Variants in ST6GALNAC5 observed in about 807,000 individuals in gnomAD.
The protein encoded by ST6GALNAC5 is alpha-N-acetylgalactosaminide alpha-2,6-sialyltransferase 5.
In ST6GALNAC5, 27 loss-of-function variants were observed where a neutral mutation model predicts 33.6. The observed-to-expected ratio is 0.80, with a 90% CI of 0.59 to 1.11. The LOEUF is 1.11. Ranked by LOEUF, ST6GALNAC5 falls within the 50% of genes least tolerant of loss-of-function variation. The pLI is 0.00. For synonymous variants in ST6GALNAC5, 194 were observed against 171.2 expected (o/e 1.13, Z -1.04); for missense variants, 428 against 454.0 (o/e 0.94, Z 0.52).
In ST6GALNAC5 at chr1:76,920,252, C is replaced by T. The variant is rs569413965; in HGVS notation, c.261+51510C>T. 9.2e-5 allele frequency among the ~76,000 whole-genome samples: 14 copies of T among 152,138 alleles called. No homozygotes were observed. The South Asian group carries it at 2.9e-3, about 32-fold the overall frequency. ...GAATTTTTTTTAATCTCGCCTTCTA[C>T]AAAGAAATAACAAAGCTTAGAAATT... On this transcript the variant is annotated intron_variant, in intron 2 of 4. Coordinates refer to ENST00000477717, the MANE Select transcript of ST6GALNAC5 (RefSeq NM_030965.3).
intron 2 of ST6GALNAC5, among the ~76,000 whole-genome samples, chr1:76,931,454 C>G (rs1177826138): frequency 6.6e-6 from 1 of 152,070 alleles, no homozygotes; most frequent in African/African-American, 2.4e-5. Flanking sequence ...AATTTAACCT[C>G]CAAGCATATT....
chr1:76,912,563 C>G (rs1239395955), intron 2 of ST6GALNAC5, among the ~76,000 whole-genome samples: 1 of 151,590 alleles, frequency 6.6e-6, no homozygotes, highest in African/African-American at 2.4e-5. Context: ...GAGTCTAAGT[C>G]TCTTTGTAGG....
chr1:76,977,520 T>C (rs934034903), intron 2 of ST6GALNAC5, among the ~76,000 whole-genome samples: 1 of 152,188 alleles, frequency 6.6e-6, no homozygotes, highest in Admixed American at 6.6e-5. Flanking sequence ...TCTCTATTTC[T>C]ATGAGGTCAA....
At chr1:76,985,456 A>G (rs930377195) in intron 2 of ST6GALNAC5, among the ~76,000 whole-genome samples, 1 of 152,180 alleles carries the variant, frequency 6.6e-6, no homozygotes, top group African/African-American at 2.4e-5. Flanking sequence ...CTTACAAGGG[A>G]TGTGAAGGAC....
At chr1:76,923,017 G>A (rs931437855) in intron 2 of ST6GALNAC5, among the ~76,000 whole-genome samples, 2 of 151,876 alleles carry the variant, frequency 1.3e-5, no homozygotes, top group Non-Finnish European at 2.9e-5. Flanking sequence ...AAATAATGTT[G>A]GTGCAATTGA....
intron 2 of ST6GALNAC5, among the ~76,000 whole-genome samples, chr1:77,033,156 G>A (rs1651521436): frequency 6.6e-6 from 1 of 152,180 alleles, no homozygotes; most frequent in Non-Finnish European, 1.5e-5. Flanking sequence ...CAATGTACTA[G>A]CATTTCAGAA....
chr1:77,061,188 G>C (rs1025112983), intron 4 of ST6GALNAC5, among the ~76,000 whole-genome samples: 2 of 152,144 alleles, frequency 1.3e-5, no homozygotes, highest in African/African-American at 2.4e-5. Flanking sequence ...TCCAAGACGG[G>C]CATATTAGAG....
chr1:76,923,248 A>C (rs1647052177), intron 2 of ST6GALNAC5, among the ~76,000 whole-genome samples: 1 of 151,624 alleles, frequency 6.6e-6, no homozygotes, highest in South Asian at 2.1e-4. Flanking sequence ...TTGCAAAAAA[A>C]ATTGCTTTAA....
At chr1:76,913,228 A>C (rs1646932404) in intron 2 of ST6GALNAC5, among the ~76,000 whole-genome samples, 1 of 151,644 alleles carries the variant, frequency 6.6e-6, no homozygotes, top group Non-Finnish European at 1.5e-5. Context: ...CTTTTCTTTA[A>C]GAATGTTGAA....
intron 2 of ST6GALNAC5, among the ~76,000 whole-genome samples, chr1:76,959,166 G>C (rs193049692): frequency 2.8e-4 from 43 of 152,270 alleles, no homozygotes; most frequent in Middle Eastern, 6.8e-3. Context: ...GGGGTTATGG[G>C]TGGTTTTATT....
intron 2 of ST6GALNAC5, among the ~76,000 whole-genome samples, chr1:76,947,705 C>T (rs940682590): frequency 2.6e-5 from 4 of 151,966 alleles, no homozygotes; most frequent in Non-Finnish European, 4.4e-5. Context: ...ATGATCACGC[C>T]GCTGTATTCT....
chr1:77,056,293 A>G (rs547117386), intron 4 of ST6GALNAC5, among the ~76,000 whole-genome samples: 1 of 152,198 alleles, frequency 6.6e-6, no homozygotes, highest in East Asian at 1.9e-4. Context: ...TGCTTTCCAA[A>G]CTAAGTTATG....
At chr1:76,897,090 G>A (rs1654159623) in intron 2 of ST6GALNAC5, among the ~76,000 whole-genome samples, 1 of 152,118 alleles carries the variant, frequency 6.6e-6, no homozygotes, top group African/African-American at 2.4e-5. Context: ...TAACAGATGA[G>A]GAAGAAATTT....
At chr1:76,913,582 A>G (rs1480053807) in intron 2 of ST6GALNAC5, among the ~76,000 whole-genome samples, 1 of 152,106 alleles carries the variant, frequency 6.6e-6, no homozygotes, top group African/African-American at 2.4e-5. Context: ...TGGTCTTTTC[A>G]CATAGTCTCA....
intron 2 of ST6GALNAC5, among the ~76,000 whole-genome samples, chr1:77,006,142 T>TG (rs200204621): frequency 1.1e-4 from 16 of 151,834 alleles, no homozygotes; most frequent in East Asian, 7.8e-4. Context: ...TGTAGTTTTT[T>TG]TTGTTGTTGT....
intron 2 of ST6GALNAC5, among the ~76,000 whole-genome samples, chr1:76,921,305 G>C (rs948539642): frequency 6.6e-6 from 1 of 152,150 alleles, no homozygotes; most frequent in African/African-American, 2.4e-5. Context: ...GAAAGAAAAT[G>C]AGTGAAAAGG....
intron 2 of ST6GALNAC5, among the ~76,000 whole-genome samples, chr1:76,919,006 G>A (rs1262268380): frequency 6.6e-6 from 1 of 152,120 alleles, no homozygotes; most frequent in Middle Eastern, 3.2e-3. Flanking sequence ...CGCCTCTCTT[G>A]TCTTAGCAAT....
chr1:76,880,346 A>G (rs759790811), intron 2 of ST6GALNAC5, among the ~76,000 whole-genome samples: 1 of 152,230 alleles, frequency 6.6e-6, no homozygotes, highest in Non-Finnish European at 1.5e-5. Context: ...CAACTTCCCC[A>G]AAACCAACAA....
At chr1:77,039,005 ATAC>A (rs1395419704) in intron 2 of ST6GALNAC5, among the ~76,000 whole-genome samples, 2 of 152,186 alleles carry the variant, frequency 1.3e-5, no homozygotes, top group Admixed American at 6.5e-5. Context: ...ATGATGGCAA[ATAC>A]TTAAAATTAC....
Sources: gnomAD v4.1 joint callset for allele counts (sites outside exome capture counted in the v4.1 genomes callset) on GRCh38, gnomAD v4.1.1 for gene constraint, MANE v1.5 for transcripts, NCBI Gene and HGNC (gene_info 2026-07-23, HGNC 2026-07-21) for gene names.